SHC4: variants seen among roughly 807,000 people sequenced by gnomAD.
The protein encoded by SHC4 is SHC adaptor protein 4, also known as SHC-transforming protein 4.
In SHC4, 41 loss-of-function variants were observed where a neutral mutation model predicts 69.4. The observed-to-expected ratio is 0.59, with a 90% CI of 0.46 to 0.77. The LOEUF (loss-of-function observed/expected upper bound fraction) is 0.77. Ranked by LOEUF, SHC4 falls within the 30% of genes least tolerant of loss-of-function variation. The probability of loss-of-function intolerance (pLI) is 0.00; values close to 1 mark genes in which losing one functional copy is unlikely to be tolerated. For missense variants in SHC4, 777 were observed against 783.8 expected (o/e 0.99, Z 0.10); for synonymous variants, 318 against 299.3 (o/e 1.06, Z -0.64).
intron 2 of SHC4, among the ~76,000 whole-genome samples, chr15:48,916,273 TCACACACACACACA>T (rs71120648): frequency 0.048 from 6,905 of 142,512 alleles, 169 homozygotes; most frequent in East Asian, 0.11. Flanking sequence ...TGATGGTTGC[TCACACACACACACA>T]CACACACACA....
intron 3 of SHC4, among the ~76,000 whole-genome samples, chr15:48,888,952 G>A (rs1293209880): frequency 6.6e-6 from 1 of 151,838 alleles, no homozygotes; most frequent in Non-Finnish European, 1.5e-5. Flanking sequence ...CAATAAAGTG[G>A]AGAGAAAAGA....
intron 6 of SHC4, among the ~76,000 whole-genome samples, chr15:48,864,186 A>T (rs916648669): frequency 3.9e-5 from 6 of 152,196 alleles, no homozygotes; most frequent in Non-Finnish European, 7.3e-5. Flanking sequence ...TAAGCCAGGT[A>T]TTGAAATGTT....
intron 4 of SHC4, among the ~76,000 whole-genome samples, chr15:48,872,995 A>G (rs554318033): frequency 6.6e-6 from 1 of 152,248 alleles, no homozygotes; most frequent in African/African-American, 2.4e-5. Context: ...CAGCAATTTT[A>G]TTCCTAGACG....
At chr15:48,897,512 A>C (rs1900243965) in intron 2 of SHC4, among the ~76,000 whole-genome samples, 2 of 145,734 alleles carry the variant, frequency 1.4e-5, no homozygotes, top group Non-Finnish European at 3.1e-5. Context: ...ATGTCGCCAC[A>C]CACACACACA....
At chr15:48,926,841 A>G (rs983666107) in intron 1 of SHC4, among the ~76,000 whole-genome samples, 15 of 152,302 alleles carry the variant, frequency 9.8e-5, no homozygotes, top group Admixed American at 8.5e-4. Flanking sequence ...TGGTGCTGGG[A>G]AGAGCATGCT....
intron 2 of SHC4, among the ~76,000 whole-genome samples, chr15:48,916,637 A>G (rs149622780): frequency 6.6e-6 from 1 of 151,972 alleles, no homozygotes; most frequent in East Asian, 1.9e-4. Flanking sequence ...AGGCACAGGT[A>G]GAGATCAGCT....
intron 1 of SHC4, among the ~76,000 whole-genome samples, chr15:48,939,598 G>A (rs1265084729): frequency 6.6e-6 from 1 of 152,168 alleles, no homozygotes; most frequent in African/African-American, 2.4e-5. Flanking sequence ...AGCACAATAT[G>A]TGACACACAG....
At chr15:48,904,095 A>T (rs76727983) in intron 2 of SHC4, among the ~76,000 whole-genome samples, 2,721 of 152,300 alleles carry the variant, frequency 0.018, 83 homozygotes, top group African/African-American at 0.063. Flanking sequence ...CAAAAAAGGA[A>T]TCTGGCATCT....
At chr15:48,868,523 C>T (rs1040587077) in intron 5 of SHC4, among the ~76,000 whole-genome samples, 1 of 152,168 alleles carries the variant, frequency 6.6e-6, no homozygotes, top group Non-Finnish European at 1.5e-5. Flanking sequence ...CAACAAAACG[C>T]TACTTGGTAA....
At chr15:48,897,756 G>GACAC (rs138796905) in intron 2 of SHC4, among the ~76,000 whole-genome samples, 11,931 of 138,920 alleles carry the variant, frequency 0.086, 592 homozygotes, top group Middle Eastern at 0.19. Context: ...CCCACCTTCT[G>GACAC]ACACACACAC....
intron 2 of SHC4, among the ~76,000 whole-genome samples, chr15:48,900,246 A>G (rs1402024522): frequency 6.6e-6 from 1 of 151,984 alleles, no homozygotes; most frequent in East Asian, 1.9e-4. Context: ...AGTGGCTCAC[A>G]CCTGTAATCC....
At chr15:48,919,295 A>ATTTGTTTTTTTTTTTTTTTTTTTT in intron 2 of SHC4, among the ~76,000 whole-genome samples, 1 of 71,216 alleles carries the variant, frequency 1.4e-5, no homozygotes, top group Non-Finnish European at 2.6e-5. Context: ...ATTTATTTTA[A>ATTTGTTTTTTTTTTTTTTTTTTTT]TTTTTTTTTT....
At chr15:48,856,498 A>G (rs965293286) in intron 7 of SHC4, among the ~76,000 whole-genome samples, 3 of 152,174 alleles carry the variant, frequency 2.0e-5, no homozygotes, top group African/African-American at 7.2e-5. Context: ...TCCATTTTGG[A>G]AAGTTTTGCC....
At chr15:48,857,655 T>G in intron 7 of SHC4, 37 bp downstream of exon 7, 1 of 1,552,816 alleles carries the variant, frequency 6.4e-7, no homozygotes, top group Non-Finnish European at 8.7e-7. Context: ...CACACATATA[T>G]ATATATTGTC....
chr15:48,884,296 C>G lies in SHC4; in HGVS notation c.792G>C (p.Leu264=), dbSNP rs1036733737. The change falls in exon 4 of 12, where the codon CTG becomes CTC. Residue 264 remains leucine, a synonymous_variant. Coordinates refer to ENST00000332408, the MANE Select transcript of SHC4 (RefSeq NM_203349.4). ...ATGTGAGACTGCATGTTGAGATGGT[C>G]AGTTTTATATTCATTCCTGAAAACT... ...NLQFSGMNIK[L]TISTCSLTLM... 2.0e-5 allele frequency: 33 copies of G among 1,610,310 alleles called. No homozygotes were observed. The highest frequency in any genetic ancestry group is 2.6e-5 in the Non-Finnish European group (31 of 1,178,598).
intron 9 of SHC4, among the ~76,000 whole-genome samples, chr15:48,846,005 T>C (rs1375769686): frequency 1.3e-5 from 2 of 149,730 alleles, no homozygotes; most frequent in East Asian, 3.9e-4. Context: ...TTAAGTCAGT[T>C]TTTTTTTTTT....
intron 10 of SHC4, among the ~76,000 whole-genome samples, chr15:48,843,063 T>C (rs1180383499): frequency 6.6e-6 from 1 of 152,174 alleles, no homozygotes; most frequent in African/African-American, 2.4e-5. Flanking sequence ...TCTCATCTCA[T>C]ACAATCATTT....
At chr15:48,949,874 T>C (rs1460931917) in intron 1 of SHC4, among the ~76,000 whole-genome samples, 1 of 145,420 alleles carries the variant, frequency 6.9e-6, no homozygotes, top group African/African-American at 2.5e-5. Context: ...TATTAATAAT[T>C]TTATAATGTA....
intron 5 of SHC4, 71 bp downstream of exon 5, chr15:48,872,018 T>C: frequency 2.1e-6 from 2 of 945,126 alleles, no homozygotes; most frequent in Non-Finnish European, 1.7e-6. Context: ...TTTTATTTTA[T>C]TATCATCCAG....
Sources: allele counts gnomAD v4.1 joint callset (sites outside exome capture counted in the v4.1 genomes callset), GRCh38; gene constraint gnomAD v4.1.1; transcripts MANE v1.5; gene names NCBI Gene and HGNC (gene_info 2026-07-23, HGNC 2026-07-21).